The following ZPLD1 variants were observed in gnomAD, a reference collection of about 807,000 sequenced individuals.
ZPLD1 encodes the protein zona pellucida-like domain-containing protein 1.
ZPLD1 carries 34 observed loss-of-function variants against 47.2 expected under a neutral mutation model. That is an observed-to-expected ratio of 0.72 (90% confidence interval 0.55 to 0.96). The LOEUF is 0.96. Among genes scored for constraint, ZPLD1 ranks in the 40% least tolerant of loss-of-function variants. The probability of loss-of-function intolerance (pLI) is 0.00; values close to 1 mark genes in which losing one functional copy is unlikely to be tolerated. For missense variants in ZPLD1, 512 were observed against 505.8 expected (o/e 1.01, Z -0.12); for synonymous variants, 176 against 186.2 (o/e 0.95, Z 0.45).
intron 3 of ZPLD1, among the ~76,000 whole-genome samples, chr3:102,450,883 T>A (rs1242810945): frequency 6.6e-6 from 1 of 152,182 alleles, no homozygotes; most frequent in East Asian, 1.9e-4. Flanking sequence ...CATTTAGAAA[T>A]TATCTTTGCA....
intron 7 of ZPLD1, among the ~76,000 whole-genome samples, chr3:102,412,727 C>T (rs1026323545): frequency 3.3e-5 from 5 of 151,518 alleles, no homozygotes; most frequent in Non-Finnish European, 5.9e-5. Flanking sequence ...ATGGACTACC[C>T]CTTATCAAGA....
At chr3:102,465,572 A>AT (rs954699946) in intron 8 of ZPLD1, among the ~76,000 whole-genome samples, 52 of 151,890 alleles carry the variant, frequency 3.4e-4, no homozygotes, top group Admixed American at 2.4e-3. Flanking sequence ...AGGGTTATGG[A>AT]TTTTTTTTGA....
chr3:102,451,392 T>C (rs576142097), intron 3 of ZPLD1, among the ~76,000 whole-genome samples: 1 of 152,328 alleles, frequency 6.6e-6, no homozygotes, highest in Admixed American at 6.5e-5. Flanking sequence ...ATCAAGGTCA[T>C]TTCCCCATTG....
intron 7 of ZPLD1, among the ~76,000 whole-genome samples, chr3:102,403,962 A>G (rs1706653835): frequency 6.6e-6 from 1 of 152,034 alleles, no homozygotes; most frequent in African/African-American, 2.4e-5. Context: ...ATTGCAAAGT[A>G]GTACCTAGAC....
chr3:102,415,335 G>A (rs1031927528), intron 7 of ZPLD1, among the ~76,000 whole-genome samples: 2 of 151,788 alleles, frequency 1.3e-5, no homozygotes, highest in Admixed American at 1.3e-4. Flanking sequence ...GGGCCAGGGT[G>A]GGGGATGAGG....
At chr3:102,427,001 C>T (rs1227619425) in intron 8 of ZPLD1, among the ~76,000 whole-genome samples, 3 of 152,208 alleles carry the variant, frequency 2.0e-5, no homozygotes, top group Non-Finnish European at 2.9e-5. Context: ...GCTCTGTTTG[C>T]TTCAACACCT....
chr3:102,408,137 T>C (rs1057397951), intron 7 of ZPLD1, among the ~76,000 whole-genome samples: 1 of 151,886 alleles, frequency 6.6e-6, no homozygotes, highest in Non-Finnish European at 1.5e-5. Context: ...CACATCGATG[T>C]CCCAGATGCC....
chr3:102,448,698 G>A lies in ZPLD1; in HGVS notation c.107-4221G>A, dbSNP rs932867317. Among the ~76,000 whole-genome samples, 3 of 152,242 alleles carry A rather than the reference G, an allele frequency of 2.0e-5. No homozygotes were observed. The South Asian group carries it at 6.2e-4, about 32-fold the overall frequency. ...AGTTTCATTGCAGGAGTTACAAATTGGTTATAGGAAAACAGAAAAGAGCAC... is the reference window on the plus strand; with the variant it reads ...AGTTTCATTGCAGGAGTTACAAATTAGTTATAGGAAAACAGAAAAGAGCAC... On this transcript the variant is annotated intron_variant, in intron 3 of 11. Coordinates refer to ENST00000466937, the MANE Select transcript of ZPLD1 (RefSeq NM_001329788.2).
upstream of ZPLD1, among the ~76,000 whole-genome samples, chr3:102,434,475 T>C (rs1346434726): frequency 1.3e-5 from 2 of 152,180 alleles, no homozygotes; most frequent in Non-Finnish European, 2.9e-5. Context: ...CTTCCTTTTC[T>C]ATTAGTAACA....
At position 102,396,562 on chromosome 3, in the gene ZPLD1, A is replaced by G. The variant is rs1315122309; in HGVS notation, c.-157+4337A>G. Among the ~76,000 whole-genome samples, 6 of 152,164 alleles carry G rather than the reference A, an allele frequency of 3.9e-5. No homozygotes were observed. The East Asian group carries it at 7.7e-4, about 20-fold the overall frequency. Reference sequence around the variant, plus strand: ...CATAAAACTGTGAAAAAACGTGCCCATCAGCATCAAGGAGATGTGGTAATA... The same window carrying G: ...CATAAAACTGTGAAAAAACGTGCCCGTCAGCATCAAGGAGATGTGGTAATA... On this transcript the variant is annotated intron_variant, in intron 7 of 17. Transcript: ENST00000491959.
chr3:102,453,656 T>C (rs992370645), intron 4 of ZPLD1, among the ~76,000 whole-genome samples: 5 of 152,242 alleles, frequency 3.3e-5, no homozygotes, highest in Non-Finnish European at 7.3e-5. Flanking sequence ...TATAATATTC[T>C]TAAATGTGTG....
chr3:102,465,512 G>C (rs1392192335), intron 8 of ZPLD1, among the ~76,000 whole-genome samples: 3 of 151,948 alleles, frequency 2.0e-5, no homozygotes, highest in Non-Finnish European at 4.4e-5. Flanking sequence ...TAACAGAAAA[G>C]ACTGTAAAGA....
At chr3:102,394,751 C>T (rs1706537878) in intron 7 of ZPLD1, among the ~76,000 whole-genome samples, 1 of 152,056 alleles carries the variant, frequency 6.6e-6, no homozygotes, top group African/African-American at 2.4e-5. Flanking sequence ...GAACTGTCTT[C>T]CCTAAACAAA....
At chr3:102,463,540 G>A (rs1243675863) in intron 7 of ZPLD1, among the ~76,000 whole-genome samples, 2 of 152,106 alleles carry the variant, frequency 1.3e-5, no homozygotes. Context: ...ATTTGGTGCA[G>A]ATTTTTAAAC....
intron 10 of ZPLD1, 93 bp downstream of exon 10, chr3:102,470,595 C>T: frequency 1.1e-6 from 1 of 913,554 alleles, no homozygotes; most frequent in Non-Finnish European, 1.7e-6. Context: ...GGTTCCTAAA[C>T]AGCACTAATT....
chr3:102,478,806 C>T lies in ZPLD1; in HGVS notation c.*1188C>T, dbSNP rs1707797971. 1 of 152,198 alleles carries T rather than the reference C, an allele frequency of 6.6e-6. No individual in the cohort carries two copies. The highest frequency in any genetic ancestry group is 1.5e-5 in the Non-Finnish European group (1 of 68,040). The allele number at this position is 152,198 out of a possible 1,614,324, so 9.4% of individuals were successfully genotyped here. A position where few individuals can be genotyped will look rare whatever the true frequency, so the allele number is the denominator to read the frequency against. On this transcript the variant is annotated 3_prime_UTR_variant, in exon 12 of 12. Coordinates refer to ENST00000466937, the MANE Select transcript of ZPLD1 (RefSeq NM_001329788.2). ...AAAATCAACATTCTCTTTGTTTAAG[C>T]TACCTATGCACTGAACAAACAAAAC... is the stretch of plus-strand genomic sequence containing the variant.
intron 6 of ZPLD1, 53 bp downstream of exon 6, chr3:102,457,906 A>C: frequency 6.5e-7 from 1 of 1,531,470 alleles, no homozygotes; most frequent in Non-Finnish European, 9.0e-7. Flanking sequence ...GTGAGGAGTC[A>C]TTTATGTGAA....
intron 2 of ZPLD1, among the ~76,000 whole-genome samples, chr3:102,438,077 C>G (rs916152434): frequency 2.6e-5 from 4 of 152,174 alleles, no homozygotes; most frequent in African/African-American, 7.2e-5. Context: ...TTAAATTCCT[C>G]TGACTATATA....
In ZPLD1 at chr3:102,456,227, A is replaced by G. The variant is rs1197668569; in HGVS notation, c.362A>G (p.Asn121Ser). Reference sequence around the variant, plus strand: ...ATTCCTGGAGTCAGTGCTTATGGAAATGCAACTTCAGTGCAAGTAGGAAAT... The same window carrying G: ...ATTCCTGGAGTCAGTGCTTATGGAAGTGCAACTTCAGTGCAAGTAGGAAAT... ...STIPGVSAYG[N>S]ATSVQVGNIS... The change falls in exon 5 of 12, where the codon AAT (asparagine) becomes AGT (serine). Residue 121 changes from asparagine (N) to serine (S), a missense_variant. Asn to Ser is a conservative substitution (Grantham distance 46). Coordinates refer to ENST00000466937, the MANE Select transcript of ZPLD1 (RefSeq NM_001329788.2). The G allele has an allele frequency of 6.2e-7, 1 of 1,613,490 alleles. No individual in the cohort carries two copies. Among genetic ancestry groups the G allele is most frequent in the South Asian group, 1.1e-5 (1 of 90,850 alleles).
Sources: allele counts gnomAD v4.1 joint callset (sites outside exome capture counted in the v4.1 genomes callset), GRCh38; gene constraint gnomAD v4.1.1; transcripts MANE v1.5; gene names NCBI Gene and HGNC (gene_info 2026-07-23, HGNC 2026-07-21).